Variants in EFR3A observed in about 807,000 individuals in gnomAD.
The protein encoded by EFR3A is EFR3 homolog A.
EFR3A carries 76 observed loss-of-function variants against 104.4 expected under a neutral mutation model. That is an observed-to-expected ratio of 0.73 (90% CI 0.60 to 0.88). The LOEUF (loss-of-function observed/expected upper bound fraction) is 0.88, where lower values mean the gene tolerates loss of function less well. Among genes scored for constraint, EFR3A ranks in the 40% least tolerant of loss-of-function variants. EFR3A has a pLI of 0.00. For missense variants in EFR3A, 985 were observed against 1,012.5 expected (o/e 0.97, Z 0.37); for synonymous variants, 330 against 330.0 (o/e 1.00, Z 0.00).
At chr8:131,955,480 G>A (rs145932711) in intron 6 of EFR3A, among the ~76,000 whole-genome samples, 1 of 152,082 alleles carries the variant, frequency 6.6e-6, no homozygotes, top group African/African-American at 2.4e-5. Context: ...TATAAATATA[G>A]AAAAGTTGAA....
At position 131,949,961 on chromosome 8, in the gene EFR3A, T is replaced by C; in HGVS notation, c.367-8T>C. On this transcript the variant is annotated splice_polypyrimidine_tract_variant and splice_region_variant and intron_variant, in intron 4 of 22. Transcript: ENST00000254624. ...GGTGAAGTATATTATATTATTTGTG[T>C]TTTTTAGTTTGTCAAATTTGCAAAT... 3 of 1,582,252 alleles carry C rather than the reference T, an allele frequency of 1.9e-6. No homozygotes were observed. The highest frequency in any genetic ancestry group is 2.6e-6 in the Non-Finnish European group (3 of 1,166,206).
rs767456755 is a variant in EFR3A, at chr8:131,984,196, C to G, written c.1633C>G (p.Gln545Glu). ...GGGTTGTAAAGAGGAAGACAACGTT[C>G]AGAAAAACTATGAACTACTTTATAC... ...YLGCKEEDNVQKNYELLYTSL... is the reference protein window; with the variant it reads ...YLGCKEEDNVEKNYELLYTSL... Residue 545 changes from glutamine to glutamate, a missense_variant, in exon 15 of 23, where the codon CAG (glutamine) becomes GAG (glutamate). Coordinates refer to ENST00000254624, the MANE Select transcript of EFR3A (RefSeq NM_015137.6). 1.2e-6 allele frequency: 2 copies of G among 1,612,398 alleles called. No homozygotes were observed. Among genetic ancestry groups the G allele is most frequent in the Admixed American group, 3.3e-5 (2 of 59,814 alleles).
chr8:131,997,619 C>T (rs944089271), intron 19 of EFR3A, among the ~76,000 whole-genome samples: 10 of 152,030 alleles, frequency 6.6e-5, no homozygotes, highest in African/African-American at 1.7e-4. Context: ...CCCAAATTCA[C>T]CTCTTTCTTC....
intron 9 of EFR3A, among the ~76,000 whole-genome samples, 193 bp from the exon 10 acceptor site, chr8:131,970,283 G>T (rs182340447): frequency 1.3e-5 from 2 of 152,120 alleles, no homozygotes; most frequent in Admixed American, 1.3e-4. Flanking sequence ...GTAAATGTTT[G>T]TTGTTATAAT....
chr8:131,979,329 A>T lies in EFR3A; in HGVS notation c.1500-17A>T, dbSNP rs764096677. On this transcript the variant is annotated splice_polypyrimidine_tract_variant and intron_variant, in intron 13 of 22. Coordinates refer to ENST00000254624, the MANE Select transcript of EFR3A (RefSeq NM_015137.6). Reference sequence around the variant, plus strand: ...AAGTGTGCTATTCATTAAAAATGATATATTGATCGTCTCTAGAATAATACC... The same window carrying T: ...AAGTGTGCTATTCATTAAAAATGATTTATTGATCGTCTCTAGAATAATACC... The T allele has an allele frequency of 7.9e-6, 12 of 1,510,136 alleles. No homozygotes were observed. The highest frequency in any genetic ancestry group is 1.1e-5 in the Non-Finnish European group (12 of 1,112,910). 93.5% of individuals were successfully genotyped at this position (1,510,136 alleles called of 1,614,324 possible).
chr8:131,933,294 T>C (rs1010849719), intron 1 of EFR3A, among the ~76,000 whole-genome samples: 2 of 152,274 alleles, frequency 1.3e-5, no homozygotes, highest in African/African-American at 4.8e-5. Flanking sequence ...CAGTGACATG[T>C]AGGGTCCAGG....
In EFR3A at chr8:131,950,038, C is replaced by T. The variant is rs1176351527; in HGVS notation, c.436C>T (p.Arg146Ter). Residue 146 changes from arginine to a stop codon, truncating the protein, a stop_gained, in exon 5 of 23, where the codon CGA (arginine) becomes TGA (stop). Coordinates refer to ENST00000254624, the MANE Select transcript of EFR3A (RefSeq NM_015137.6). LOFTEE classifies it high-confidence loss of function. ...YHRRYDFFVS[R>*]FSAMCHSCHS... ...CAGACGTTATGACTTTTTTGTGTCTCGATTCAGTGCCATGTGCCATTCCTG... is the reference window on the plus strand; with the variant it reads ...CAGACGTTATGACTTTTTTGTGTCTTGATTCAGTGCCATGTGCCATTCCTG... The T allele has an allele frequency of 4.4e-6, 7 of 1,608,262 alleles. No homozygotes were observed. Among genetic ancestry groups the T allele is most frequent in the Non-Finnish European group, 5.1e-6 (6 of 1,177,668 alleles).
At chr8:131,951,981 A>G (rs1027195939) in intron 5 of EFR3A, among the ~76,000 whole-genome samples, 1 of 152,166 alleles carries the variant, frequency 6.6e-6, no homozygotes, top group Non-Finnish European at 1.5e-5. Flanking sequence ...CTGTTACCAA[A>G]TAGAACTCCA....
chr8:131,906,682 CTT>C (rs1205286665), intron 1 of EFR3A, among the ~76,000 whole-genome samples: 1 of 152,182 alleles, frequency 6.6e-6, no homozygotes, highest in Admixed American at 6.5e-5. Flanking sequence ...TCCGTAGACT[CTT>C]TGAGAAAGCA....
intron 2 of EFR3A, among the ~76,000 whole-genome samples, chr8:131,941,965 G>T (rs1818190755): frequency 6.6e-6 from 1 of 152,076 alleles, no homozygotes; most frequent in African/African-American, 2.4e-5. Context: ...TTTCTCATTT[G>T]AAATTTCAGA....
At chr8:131,971,605 G>A (rs995092988) in intron 10 of EFR3A, among the ~76,000 whole-genome samples, 6 of 151,618 alleles carry the variant, frequency 4.0e-5, no homozygotes, top group Non-Finnish European at 8.8e-5. Flanking sequence ...GGAGCATGGC[G>A]TGAACCCGGG....
intron 8 of EFR3A, among the ~76,000 whole-genome samples, chr8:131,965,697 C>A (rs1311616623): frequency 6.6e-6 from 1 of 151,904 alleles, no homozygotes; most frequent in Non-Finnish European, 1.5e-5. Context: ...TTGACCCAGC[C>A]ATCCCATTAC....
chr8:131,965,924 A>G (rs1272157084), intron 8 of EFR3A, among the ~76,000 whole-genome samples: 1 of 152,152 alleles, frequency 6.6e-6, no homozygotes, highest in East Asian at 1.9e-4. Context: ...ACATGGATGA[A>G]ATTGGAAACC....
intron 1 of EFR3A, among the ~76,000 whole-genome samples, chr8:131,916,598 G>T (rs1341889112): frequency 6.6e-6 from 1 of 152,200 alleles, no homozygotes; most frequent in Non-Finnish European, 1.5e-5. Flanking sequence ...TAAAGAAGCT[G>T]AGGGCAAACT....
intron 5 of EFR3A, among the ~76,000 whole-genome samples, chr8:131,952,065 A>C (rs1265802380): frequency 6.6e-6 from 1 of 152,020 alleles, no homozygotes; most frequent in Non-Finnish European, 1.5e-5. Context: ...ACTGGCTCCC[A>C]CTTGTAGAGT....
chr8:131,905,603 G>A (rs896909037), intron 1 of EFR3A, among the ~76,000 whole-genome samples: 1 of 152,108 alleles, frequency 6.6e-6, no homozygotes, highest in African/African-American at 2.4e-5. Context: ...CACGTTCTTG[G>A]ACTTCGCATC....
chr8:131,995,013 A>C (rs1821401995), intron 18 of EFR3A, among the ~76,000 whole-genome samples: 1 of 152,146 alleles, frequency 6.6e-6, no homozygotes, highest in African/African-American at 2.4e-5. Context: ...TCTCTTCTGT[A>C]TCATAAAGGA....
intron 13 of EFR3A, 90 bp from the exon 14 acceptor site, chr8:131,979,256 C>A: frequency 8.9e-7 from 1 of 1,122,524 alleles, no homozygotes; most frequent in Non-Finnish European, 1.3e-6. Context: ...GCTTATCAAA[C>A]TCCTAAGTAT....
chr8:131,920,917 C>T (rs1182500819), intron 1 of EFR3A, among the ~76,000 whole-genome samples: 3 of 152,054 alleles, frequency 2.0e-5, no homozygotes, highest in Non-Finnish European at 4.4e-5. Context: ...AGTGGACACT[C>T]AAATATTTGG....
Sources: allele counts gnomAD v4.1 joint callset (sites outside exome capture counted in the v4.1 genomes callset), GRCh38; gene constraint gnomAD v4.1.1; transcripts MANE v1.5; gene names NCBI Gene and HGNC (gene_info 2026-07-23, HGNC 2026-07-21).